ZKSCAN4: variants seen among roughly 807,000 people sequenced by gnomAD.
The protein encoded by ZKSCAN4 is zinc finger protein with KRAB and SCAN domains 4.
ZKSCAN4 carries 23 observed loss-of-function variants against 30.8 expected under a neutral mutation model. The observed-to-expected ratio is 0.75, with a 90% CI of 0.54 to 1.06. The LOEUF is 1.06. Among genes scored for constraint, ZKSCAN4 ranks in the 50% least tolerant of loss-of-function variants. The pLI is 0.00. For synonymous variants in ZKSCAN4, 208 were observed against 252.5 expected, an observed-to-expected ratio of 0.82 and a Z score of 1.67; for missense variants, 556 against 665.4, an observed-to-expected ratio of 0.84 and a Z score of 1.81.
At chr6:28,254,025 T>A (rs1455605229), upstream of ZKSCAN4, among the ~76,000 whole-genome samples, 1 of 152,166 alleles carries the variant, frequency 6.6e-6, no homozygotes, top group African/African-American at 2.4e-5. Context: ...AAAAAATCAA[T>A]CAGCCAAATC....
upstream of ZKSCAN4, among the ~76,000 whole-genome samples, chr6:28,255,650 CT>C (rs1051274921): frequency 1.1e-4 from 16 of 152,006 alleles, no homozygotes; most frequent in African/African-American, 3.1e-4. Flanking sequence ...CAAATTTTTC[CT>C]TGTATAAAGC....
At position 28,251,635 on chromosome 6, in the gene ZKSCAN4, G is replaced by A. The variant is rs2113690401; in HGVS notation, c.346C>T (p.Gln116Ter). The part of the protein sequence containing the change: ...PGNLQSWVRE[Q>*]HPESGEEVVV... ...ACCTCCTCCCCGCTCTCTGGATGCT[G>A]CTCCCGCACCCAGCTCTGCAGATTC... The change falls in exon 1 of 5, where the codon CAG (glutamine) becomes TAG (stop). Residue 116 changes from glutamine to a stop codon, truncating the protein, a stop_gained. Coordinates refer to ENST00000377294, the MANE Select transcript of ZKSCAN4 (RefSeq NM_019110.5). LOFTEE classifies it high-confidence loss of function. This position sits in a 1 kb window ranked among gnomAD's most constrained non-coding sequence, Gnocchi z 4.5. 6.2e-7 allele frequency: 1 copy of A among 1,614,126 alleles called. No individual in the cohort carries two copies. The highest frequency in any genetic ancestry group is 8.5e-7 in the Non-Finnish European group (1 of 1,180,006).
the ZKSCAN4 span, among the ~76,000 whole-genome samples, chr6:28,257,323 A>G: frequency 6.6e-6 from 1 of 152,170 alleles, no homozygotes; most frequent in Non-Finnish European, 1.5e-5. Flanking sequence ...TGTTCTCATA[A>G]GTGGGAGTTT....
rs370285754 is a variant in ZKSCAN4 at position 28,245,796 on chromosome 6, G to A, written c.958C>T (p.His320Tyr). 1.2e-6 allele frequency: 2 copies of A among 1,614,096 alleles called. No homozygotes were observed. Among genetic ancestry groups the A allele is most frequent in the African/African-American group, 1.3e-5 (1 of 74,936 alleles). ...CTCTTTCCACATTCATGGCAATAAT[G>A]TCGCCTACTCCCTATGGCATTTTTC... ...KQKNAIGSRRHYCHECGKSFA... is the reference protein window; with the variant it reads ...KQKNAIGSRRYYCHECGKSFA... Residue 320 changes from histidine to tyrosine, a missense_variant, in exon 5 of 5, where the codon CAT becomes TAT. This residue lies in a region of ZKSCAN4 where 433 missense variants were observed against 511.5 expected (regional missense o/e 0.85). Transcript: ENST00000377294.
At chr6:28,256,785 G>T (rs192381469), upstream of ZKSCAN4, among the ~76,000 whole-genome samples, 1 of 152,342 alleles carries the variant, frequency 6.6e-6, no homozygotes, top group African/African-American at 2.4e-5. Context: ...TAAGTCAGGG[G>T]TTAGCAAACT....
chr6:28,254,352 T>C (rs1423691383), upstream of ZKSCAN4, among the ~76,000 whole-genome samples: 1 of 152,208 alleles, frequency 6.6e-6, no homozygotes, highest in Non-Finnish European at 1.5e-5. Flanking sequence ...AAAGGGGTAT[T>C]ACCTTCTGAG....
rs200744961 is a variant in ZKSCAN4 at position 28,245,291 on chromosome 6, T to G, written c.1463A>C (p.Lys488Thr). Residue 488 changes from lysine to threonine, a missense_variant, in exon 5 of 5, where the codon AAA (lysine) becomes ACA (threonine). Coordinates refer to ENST00000377294, the MANE Select transcript of ZKSCAN4 (RefSeq NM_019110.5). ...WENTEAPVSY[K>T]CNECERSFTR... ...GAAACTTCTCTCACACTCATTACAT[T>G]TATAAGACACGGGAGCCTCAGTATT... The G allele has an allele frequency of 9.2e-5, 148 of 1,614,000 alleles. No individual in the cohort carries two copies. The highest frequency in any genetic ancestry group is 7.5e-4 in the South Asian group (68 of 91,072).
chr6:28,257,690 G>A, the ZKSCAN4 span, among the ~76,000 whole-genome samples: 1 of 152,120 alleles, frequency 6.6e-6, no homozygotes, highest in African/African-American at 2.4e-5. Flanking sequence ...GGCCCACAAA[G>A]CCTAAAATAT....
At position 28,249,507 on chromosome 6, in the gene ZKSCAN4, T is replaced by A. The variant is rs1296613258; in HGVS notation, c.571+180A>T. On this transcript the variant is annotated intron_variant, in intron 2 of 4. Coordinates refer to ENST00000377294, the MANE Select transcript of ZKSCAN4 (RefSeq NM_019110.5). The surrounding 1 kb of genome is among the most constrained non-coding windows in gnomAD (Gnocchi z 4.1). The stretch of plus-strand genomic sequence containing the variant: ...AATTTTAATAAAATCAGATTTACTA[T>A]GTCCTAGTTTGGTTAGGAAAGTTTT... Among the ~76,000 whole-genome samples the A allele has an allele frequency of 6.6e-6, 1 of 152,202 alleles. No individual in the cohort carries two copies. The highest frequency in any genetic ancestry group is 1.5e-5 in the Non-Finnish European group (1 of 68,028).
intron 2 of ZKSCAN4, among the ~76,000 whole-genome samples, chr6:28,248,355 G>A (rs1192456716): frequency 6.6e-6 from 1 of 152,210 alleles, no homozygotes; most frequent in East Asian, 1.9e-4. Context: ...CAAAAACCAC[G>A]TGCAGAATCG....
rs1288325929 is a variant in ZKSCAN4 at position 28,242,311 on chromosome 6, G to T, written c.*2805C>A. The stretch of plus-strand genomic sequence containing the variant: ...ACAGATAAACTCATTTTATAATTCA[G>T]CTATTTATAAACACATACCACTGTT... On this transcript the variant is annotated 3_prime_UTR_variant, in exon 5 of 5. Coordinates refer to ENST00000377294, the MANE Select transcript of ZKSCAN4 (RefSeq NM_019110.5). Among the ~76,000 whole-genome samples the T allele has an allele frequency of 1.3e-5, 2 of 151,954 alleles. No individual in the cohort carries two copies. Among genetic ancestry groups the T allele is most frequent in the Non-Finnish European group, 2.9e-5 (2 of 67,998 alleles).
In ZKSCAN4 at chr6:28,251,293, A is replaced by G. The variant is rs951282944; in HGVS notation, c.423+265T>C. Reference sequence around the variant, plus strand: ...ATTTAGTGCAGTAATAAAAATCCACATATATGACTTTAATACAAATTTAAT... The same window carrying G: ...ATTTAGTGCAGTAATAAAAATCCACGTATATGACTTTAATACAAATTTAAT... On this transcript the variant is annotated intron_variant, in intron 1 of 4. Transcript: ENST00000377294. This position sits in a 1 kb window ranked among gnomAD's most constrained non-coding sequence, Gnocchi z 4.5. The G allele has an allele frequency of 2.1e-5, 11 of 521,486 alleles. No homozygotes were observed. Among genetic ancestry groups the G allele is most frequent in the Non-Finnish European group, 3.3e-5 (10 of 300,402 alleles). 32.3% of individuals were successfully genotyped at this position (521,486 alleles called of 1,614,324 possible). A position where few individuals can be genotyped will look rare whatever the true frequency, so the allele number is the denominator to read the frequency against.
chr6:28,255,168 AC>A (rs1249126201), upstream of ZKSCAN4, among the ~76,000 whole-genome samples: 1 of 152,178 alleles, frequency 6.6e-6, no homozygotes, highest in East Asian at 1.9e-4. Flanking sequence ...AGGATGGGTA[AC>A]CCTCAGGGGT....
At chr6:28,253,271 T>C (rs1406602490), upstream of ZKSCAN4, among the ~76,000 whole-genome samples, 1 of 152,188 alleles carries the variant, frequency 6.6e-6, no homozygotes, top group African/African-American at 2.4e-5. This position sits in a 1 kb window ranked among gnomAD's most constrained non-coding sequence, Gnocchi z 4.2. Flanking sequence ...TTCTGCCCAG[T>C]GGAATGGAGA....
Position 28,245,012 on chromosome 6 carries a change from TGG to T in ZKSCAN4, c.*102_*103del. ...TTTTCTAATACCCGATGATGTATAG[TGG>T]TAAATAAAGCCCTGGTCCACAATTT... On this transcript the variant is annotated 3_prime_UTR_variant, in exon 5 of 5. Coordinates refer to ENST00000377294, the MANE Select transcript of ZKSCAN4 (RefSeq NM_019110.5). The T allele has an allele frequency of 1.5e-6, 2 of 1,357,106 alleles. No homozygotes were observed. Among genetic ancestry groups the T allele is most frequent in the Non-Finnish European group, 2.1e-6 (2 of 949,986 alleles). 84.1% of individuals were successfully genotyped at this position (1,357,106 alleles called of 1,614,324 possible).
At chr6:28,248,839 A>AAAAAAG (rs1478066284) in intron 2 of ZKSCAN4, among the ~76,000 whole-genome samples, 1 of 127,754 alleles carries the variant, frequency 7.8e-6, no homozygotes, top group African/African-American at 3.2e-5. Context: ...AAAAAAAAAA[A>AAAAAAG]AAAAAGAAAA....
chr6:28,247,144 A>C, intron 3 of ZKSCAN4, 52 bp from the exon 4 acceptor site: 1 of 1,524,592 alleles, frequency 6.6e-7, no homozygotes, highest in Non-Finnish European at 8.8e-7. Context: ...ATTACCCCCA[A>C]AGCAAAGAAT....
rs2113669563 is a variant in ZKSCAN4, at chr6:28,244,157, G to T, written c.*959C>A. ...TGGCATAAGCCTTGATGCACAGTCA[G>T]CTATAAACTGGGGAAGAGGGACACA... is the stretch of plus-strand genomic sequence containing the variant. On this transcript the variant is annotated 3_prime_UTR_variant, in exon 5 of 5. Transcript: ENST00000377294. Among the ~76,000 whole-genome samples the T allele has an allele frequency of 6.6e-6, 1 of 152,290 alleles. No individual in the cohort carries two copies. Among genetic ancestry groups the T allele is most frequent in the East Asian group, 1.9e-4 (1 of 5,186 alleles).
At position 28,249,837 on chromosome 6, in the gene ZKSCAN4, A is replaced by G; in HGVS notation, c.424-3T>C. 1 of 1,612,412 alleles carries G rather than the reference A, an allele frequency of 6.2e-7. No homozygotes were observed. Among genetic ancestry groups the G allele is most frequent in the Non-Finnish European group, 8.5e-7 (1 of 1,179,574 alleles). On this transcript the variant is annotated splice_polypyrimidine_tract_variant and splice_region_variant and intron_variant, in intron 1 of 4. Transcript: ENST00000377294. The surrounding 1 kb of genome is among the most constrained non-coding windows in gnomAD (Gnocchi z 4.1). ...TGCCCCTGGTCACCAACGGGAACCTAGAAGTCACGATTTTTAGTTATCTAC... is the reference window on the plus strand; with the variant it reads ...TGCCCCTGGTCACCAACGGGAACCTGGAAGTCACGATTTTTAGTTATCTAC...
Sources: gnomAD v4.1 joint callset for allele counts (sites outside exome capture counted in the v4.1 genomes callset) on GRCh38, gnomAD v4.1.1 for gene constraint, gnomAD v4.1.1 regional missense constraint, Gnocchi (gnomAD v3.1) non-coding constraint, MANE v1.5 for transcripts, NCBI Gene and HGNC (gene_info 2026-07-23, HGNC 2026-07-21) for gene names.